The following BAZ2B variants were observed in gnomAD, a reference collection of about 807,000 sequenced individuals.
BAZ2B encodes the protein bromodomain adjacent to zinc finger domain protein 2B.
In BAZ2B, 91 loss-of-function variants were observed where a neutral mutation model predicts 246.0. The ratio of observed to expected loss-of-function variants is 0.37; its 90% CI spans 0.31 to 0.44. The LOEUF (loss-of-function observed/expected upper bound fraction) is 0.44. BAZ2B is among the 20% of genes least tolerant of loss of function. The pLI, the probability that BAZ2B is intolerant of heterozygous loss-of-function variation, is 1.00. For missense variants in BAZ2B, 2,332 were observed against 2,533.7 expected (o/e 0.92, Z 1.71); for synonymous variants, 855 against 860.0 (o/e 0.99, Z 0.10).
At chr2:159,473,438 T>C (rs1429475333) in intron 3 of BAZ2B, among the ~76,000 whole-genome samples, 1 of 152,232 alleles carries the variant, frequency 6.6e-6, no homozygotes, top group East Asian at 1.9e-4. Flanking sequence ...TTTTATTGCA[T>C]CTATTTGATT....
chr2:159,589,730 T>C (rs1422980745), intron 1 of BAZ2B, among the ~76,000 whole-genome samples: 1 of 152,196 alleles, frequency 6.6e-6, no homozygotes, highest in Non-Finnish European at 1.5e-5. Flanking sequence ...TAAATGTATA[T>C]AATCCATAAA....
chr2:159,475,450 TCTAAC>T (rs2078403550), intron 3 of BAZ2B, among the ~76,000 whole-genome samples: 1 of 152,204 alleles, frequency 6.6e-6, no homozygotes, highest in Admixed American at 6.5e-5. Flanking sequence ...TAGCAATTCC[TCTAAC>T]CTTTTTTCAA....
At chr2:159,405,721 CA>C (rs1370848514) in intron 14 of BAZ2B, among the ~76,000 whole-genome samples, 1 of 74,070 alleles carries the variant, frequency 1.4e-5, no homozygotes, top group Non-Finnish European at 4.6e-5. Flanking sequence ...TATTTAAGTA[CA>C]TTTTTTTTCA....
intron 1 of BAZ2B, among the ~76,000 whole-genome samples, chr2:159,592,300 T>C (rs917696960): frequency 5.2e-4 from 79 of 152,264 alleles, no homozygotes; most frequent in African/African-American, 1.9e-3. Context: ...ATATTCAGTA[T>C]CATGAATTTT....
intron 23 of BAZ2B, 115 bp from the exon 24 acceptor site, chr2:159,383,795 G>C: frequency 1.2e-6 from 1 of 833,050 alleles, no homozygotes; most frequent in Non-Finnish European, 1.9e-6. Flanking sequence ...AAGTAAAAAT[G>C]ATACAACTGA....
intron 27 of BAZ2B, among the ~76,000 whole-genome samples, chr2:159,366,671 T>C (rs888628): frequency 0.15 from 23,252 of 152,266 alleles, 2,457 homozygotes; most frequent in African/African-American, 0.31. Context: ...GAAATTAGTA[T>C]TGCTTCCTTG....
At chr2:159,373,276 C>A (rs1210752971) in intron 26 of BAZ2B, 87 bp from the exon 27 acceptor site, 3 of 1,214,778 alleles carry the variant, frequency 2.5e-6, no homozygotes, top group African/African-American at 3.2e-5. Flanking sequence ...CTTATTGTAC[C>A]TTTAAGCACA....
rs2065799736 is a variant in BAZ2B, at chr2:159,337,083, T to C, written c.5661-6A>G. ...GAGCAATATCCTCTTCAATTCTGCA[T>C]TGAAATATAGAAAAATTAAGTAGGT... On this transcript the variant is annotated splice_region_variant and splice_polypyrimidine_tract_variant and intron_variant, in intron 32 of 36. Coordinates refer to ENST00000392783, the MANE Select transcript of BAZ2B (RefSeq NM_013450.4). 2 of 1,605,376 alleles carry C rather than the reference T, an allele frequency of 1.2e-6. No homozygotes were observed. The highest frequency in any genetic ancestry group is 2.2e-5 in the East Asian group (1 of 44,840).
chr2:159,588,516 TAC>T (rs145811801), intron 1 of BAZ2B, among the ~76,000 whole-genome samples: 2 of 151,744 alleles, frequency 1.3e-5, no homozygotes, highest in Admixed American at 6.6e-5. Context: ...GAGTAAGATC[TAC>T]ACACACACAC....
the BAZ2B span, among the ~76,000 whole-genome samples, chr2:159,641,118 A>T: frequency 6.6e-6 from 1 of 152,158 alleles, no homozygotes; most frequent in Non-Finnish European, 1.5e-5. Flanking sequence ...TACATTGGAA[A>T]ATCTAGAAGA....
rs1247074350 is a variant in BAZ2B, at chr2:159,398,727, T to C, written c.2964+102A>G. 3.9e-6 allele frequency: 4 copies of C among 1,018,462 alleles called. No individual in the cohort carries two copies. The South Asian group carries it at 4.8e-5, about 12-fold the overall frequency. 63.1% of individuals were successfully genotyped at this position (1,018,462 alleles called of 1,614,324 possible). A position where few individuals can be genotyped will look rare whatever the true frequency, so the allele number is the denominator to read the frequency against. On this transcript the variant is annotated intron_variant, in intron 18 of 36. Transcript: ENST00000392783. ...AGTATCTGCTAAACATATTTTCAGA[T>C]AGTCATTTTGAAGAAAGCTATTTTT...
chr2:159,423,340 G>C (rs1360423569), intron 13 of BAZ2B, among the ~76,000 whole-genome samples: 1 of 86,540 alleles, frequency 1.2e-5, no homozygotes, highest in Admixed American at 1.0e-4. Flanking sequence ...CAAAAGAATG[G>C]CTATTATTAA....
At chr2:159,691,986 T>C in the BAZ2B span, among the ~76,000 whole-genome samples, 4 of 152,214 alleles carry the variant, frequency 2.6e-5, no homozygotes, top group Non-Finnish European at 4.4e-5. Flanking sequence ...CTTGCTTACA[T>C]TTCTCTCCAC....
intron 33 of BAZ2B, among the ~76,000 whole-genome samples, chr2:159,334,478 T>C (rs1575701139): frequency 1.3e-5 from 2 of 152,216 alleles, no homozygotes; most frequent in Non-Finnish European, 2.9e-5. Context: ...TCTAAAGATA[T>C]CGAGCACTTT....
chr2:159,693,623 A>G, the BAZ2B span: 1 of 151,510 alleles, frequency 6.6e-6, no homozygotes, highest in Non-Finnish European at 1.5e-5. Flanking sequence ...GGGTCTCACT[A>G]TGTTGTCCAG....
chr2:159,543,532 A>ATT (rs2086908049), intron 2 of BAZ2B, among the ~76,000 whole-genome samples: 2 of 144,034 alleles, frequency 1.4e-5, no homozygotes, highest in Admixed American at 6.9e-5. Flanking sequence ...AATCTTAACA[A>ATT]TTCTTTTTTT....
intron 1 of BAZ2B, among the ~76,000 whole-genome samples, chr2:159,597,318 G>A (rs1690958513): frequency 6.6e-6 from 1 of 152,098 alleles, no homozygotes; most frequent in South Asian, 2.1e-4. Flanking sequence ...CAACATTGAT[G>A]GACTTGCTTC....
chr2:159,569,856 G>A (rs1356089373), intron 1 of BAZ2B, among the ~76,000 whole-genome samples: 1 of 151,946 alleles, frequency 6.6e-6, no homozygotes, highest in African/African-American at 2.4e-5. Flanking sequence ...TGAAAATTAG[G>A]TAATTTTCAG....
At chr2:159,654,565 A>G in the BAZ2B span, among the ~76,000 whole-genome samples, 1 of 152,196 alleles carries the variant, frequency 6.6e-6, no homozygotes, top group South Asian at 2.1e-4. Flanking sequence ...GCAGTTTAAT[A>G]TGAAAGTGAG....
Sources: allele counts gnomAD v4.1 joint callset (sites outside exome capture counted in the v4.1 genomes callset), GRCh38; gene constraint gnomAD v4.1.1; transcripts MANE v1.5; gene names NCBI Gene and HGNC (gene_info 2026-07-23, HGNC 2026-07-21).